HDGFL2: variants seen among roughly 807,000 people sequenced by gnomAD.
HDGFL2 encodes the protein HDGF like 2, also known as hepatoma-derived growth factor-related protein 2.
Under a neutral mutation model 77.1 loss-of-function variants are expected in HDGFL2, and 36 were observed. The ratio of observed to expected loss-of-function variants is 0.47; its 90% CI spans 0.36 to 0.62. The LOEUF is 0.62. HDGFL2 is among the 20% of genes least tolerant of loss of function. The pLI is 0.00. For missense variants in HDGFL2, 976 were observed against 973.4 expected (o/e 1.00, Z -0.04); for synonymous variants, 463 against 413.1 (o/e 1.12, Z -1.46).
At chr19:4,486,163 T>C (rs1252204246) in intron 3 of HDGFL2, among the ~76,000 whole-genome samples, 1 of 152,022 alleles carries the variant, frequency 6.6e-6, no homozygotes, top group African/African-American at 2.4e-5. Context: ...GGTCAGGTGT[T>C]CCACGCTGGC....
At chr19:4,482,782 G>T (rs1230899906) in intron 3 of HDGFL2, among the ~76,000 whole-genome samples, 1 of 152,184 alleles carries the variant, frequency 6.6e-6, no homozygotes, top group Non-Finnish European at 1.5e-5. Flanking sequence ...CTCATCTGCA[G>T]AATCAGGCTG....
chr19:4,494,836 C>T (rs1478279978), intron 9 of HDGFL2, among the ~76,000 whole-genome samples: 1 of 151,346 alleles, frequency 6.6e-6, no homozygotes, highest in East Asian at 2.0e-4. Flanking sequence ...AGGAGGATTG[C>T]TTGAGCCCAG....
At position 4,473,680 on chromosome 19, in the gene HDGFL2, G is replaced by A. The variant is rs1050311007; in HGVS notation, c.72+1258G>A. Among the ~76,000 whole-genome samples the A allele has an allele frequency of 3.4e-5, 5 of 147,982 alleles. No individual in the cohort carries two copies. The Admixed American group carries it at 3.4e-4, about 10-fold the overall frequency. ...GGCTAAGGGAAGCTGGGACCTCTGA[G>A]TGAGGGGCTGGGGGTGGGGGAATGG... On this transcript the variant is annotated intron_variant, in intron 1 of 15. Transcript: ENST00000616600.
intron 9 of HDGFL2, among the ~76,000 whole-genome samples, chr19:4,495,434 T>C (rs960732234): frequency 1.5e-5 from 2 of 135,762 alleles, no homozygotes; most frequent in African/African-American, 5.4e-5. Context: ...AGGGAGGGGA[T>C]CTACGAAGAC....
intron 3 of HDGFL2, among the ~76,000 whole-genome samples, chr19:4,478,567 G>C (rs1168884918): frequency 2.0e-5 from 3 of 152,006 alleles, no homozygotes; most frequent in African/African-American, 7.2e-5. Context: ...GGAAGGCCTG[G>C]GTCCCATCCC....
At chr19:4,482,386 T>G (rs1027302526) in intron 3 of HDGFL2, among the ~76,000 whole-genome samples, 1 of 152,064 alleles carries the variant, frequency 6.6e-6, no homozygotes, top group African/African-American at 2.4e-5. Context: ...ATTTTTGTAT[T>G]TTTAGTAGAG....
At chr19:4,496,119 C>CCCACGAT (rs1975694454) in intron 9 of HDGFL2, among the ~76,000 whole-genome samples, 183 bp from the exon 10 acceptor site, 2 of 152,222 alleles carry the variant, frequency 1.3e-5, no homozygotes, top group Non-Finnish European at 2.9e-5. Flanking sequence ...CTCCAAGAAC[C>CCCACGAT]CCACGATCCA....
chr19:4,494,478 G>A lies in HDGFL2; in HGVS notation c.1224+3G>A, dbSNP rs375322077. 3.0e-4 allele frequency: 412 copies of A among 1,378,902 alleles called. No homozygotes were observed. Among genetic ancestry groups the A allele is most frequent in the Non-Finnish European group, 3.7e-4 (398 of 1,070,272 alleles). 85.4% of individuals were successfully genotyped at this position (1,378,902 alleles called of 1,614,324 possible). A position where few individuals can be genotyped will look rare whatever the true frequency, so the allele number is the denominator to read the frequency against. ...CCGAGGCCGAGCTGGAGAGAGAGGT[G>A]AGCCGGGAGGGCGCCGGGAGTCCCT... On this transcript the variant is annotated splice_donor_region_variant and intron_variant, in intron 9 of 15. Coordinates refer to ENST00000616600, the MANE Select transcript of HDGFL2 (RefSeq NM_001001520.3).
intron 4 of HDGFL2, among the ~76,000 whole-genome samples, chr19:4,489,528 G>A (rs979601631): frequency 1.5e-4 from 22 of 151,658 alleles, no homozygotes; most frequent in African/African-American, 4.8e-4. Flanking sequence ...TTCAGCCTCC[G>A]AAGTAGCTGA....
intron 11 of HDGFL2, 81 bp downstream of exon 11, chr19:4,498,112 C>A: frequency 7.5e-7 from 1 of 1,339,596 alleles, no homozygotes. Context: ...TGGCCTGTCC[C>A]GCCTGTCCCT....
At chr19:4,482,034 T>C (rs1188695119) in intron 3 of HDGFL2, among the ~76,000 whole-genome samples, 1 of 130,680 alleles carries the variant, frequency 7.7e-6, no homozygotes, top group Non-Finnish European at 1.6e-5. Flanking sequence ...GCCTTTTTTT[T>C]TTTTTTTTTT....
At chr19:4,500,008 C>CAG (rs368319941) in intron 14 of HDGFL2, among the ~76,000 whole-genome samples, 8 of 150,754 alleles carry the variant, frequency 5.3e-5, no homozygotes, top group African/African-American at 2.0e-4. Flanking sequence ...CTGGGACGCC[C>CAG]AGAGAGGGGG....
Position 4,475,288 on chromosome 19 carries a change from C to T in HDGFL2, c.86C>T (p.Ala29Val), listed in dbSNP as rs771724507. The T allele has an allele frequency of 1.9e-6, 3 of 1,614,052 alleles. No homozygotes were observed. Among genetic ancestry groups the T allele is most frequent in the South Asian group, 2.2e-5 (2 of 91,072 alleles). ...CTCTCACTGCAGATCGACGACATCG[C>T]GGATGGCGCCGTGAAGCCCCCACCC... ...PHWPARIDDI[A>V]DGAVKPPPNK... The change falls in exon 2 of 16, where the codon GCG becomes GTG. Residue 29 changes from alanine (A) to valine (V), a missense_variant. Physicochemically the swap from Ala to Val is moderately conservative, Grantham distance 64 (BLOSUM62 0). This residue lies in a region of HDGFL2 where 103 missense variants were observed against 145.7 expected (regional missense o/e 0.71). Transcript: ENST00000616600.
At chr19:4,498,412 C>T (rs554263647) in intron 12 of HDGFL2, 36 bp downstream of exon 12, 31 of 1,507,226 alleles carry the variant, frequency 2.1e-5, no homozygotes, top group East Asian at 9.1e-5. Flanking sequence ...AAGCAGTCCC[C>T]GCTGCCACCT....
At chr19:4,482,227 TG>T (rs1208297489) in intron 3 of HDGFL2, among the ~76,000 whole-genome samples, 1 of 151,052 alleles carries the variant, frequency 6.6e-6, no homozygotes, top group Non-Finnish European at 1.5e-5. Context: ...TTTTTTTTTT[TG>T]AGATGGAGTC....
At chr19:4,486,887 G>A (rs1224936239) in intron 3 of HDGFL2, among the ~76,000 whole-genome samples, 1 of 152,028 alleles carries the variant, frequency 6.6e-6, no homozygotes, top group Admixed American at 6.6e-5. Context: ...CCCTTCCCAT[G>A]CTTCTGACAA....
In HDGFL2 at chr19:4,493,997, C is replaced by T. The variant is rs1263680535; in HGVS notation, c.854C>T (p.Pro285Leu). 2.5e-6 allele frequency: 4 copies of T among 1,610,744 alleles called. No individual in the cohort carries two copies. The highest frequency in any genetic ancestry group is 3.4e-6 in the Non-Finnish European group (4 of 1,178,988). ...CTTCCTGTAGCGGAGAAGCCTCTCCCGAAGCCGCGAGGGCGGAAACCGAAG... is the reference window on the plus strand; with the variant it reads ...CTTCCTGTAGCGGAGAAGCCTCTCCTGAAGCCGCGAGGGCGGAAACCGAAG... ...RGRKPAEKPL[P>L]KPRGRKPKPE... is the part of the protein sequence containing the mutation. The change falls in exon 8 of 16, where the codon CCG (proline) becomes CTG (leucine). Residue 285 changes from proline to leucine, a missense_variant. Transcript: ENST00000616600.
intron 6 of HDGFL2, among the ~76,000 whole-genome samples, chr19:4,493,367 C>G (rs1381728306): frequency 6.7e-6 from 1 of 150,364 alleles, no homozygotes; most frequent in African/African-American, 2.5e-5. Flanking sequence ...GGCGGTAGAG[C>G]ACGGCAGCTT....
At position 4,491,751 on chromosome 19, in the gene HDGFL2, T is replaced by G. The variant is rs1257997622; in HGVS notation, c.607-13T>G. 4 of 1,613,876 alleles carry G rather than the reference T, an allele frequency of 2.5e-6. No homozygotes were observed. Among genetic ancestry groups the G allele is most frequent in the Non-Finnish European group, 3.4e-6 (4 of 1,179,968 alleles). On this transcript the variant is annotated splice_polypyrimidine_tract_variant and intron_variant, in intron 5 of 15. Transcript: ENST00000616600. ...GCCAGTGGGCCCCAGTTCAGCTCAC[T>G]TCTCTCCCCCAGGACTTCACACCTG...
Sources: gnomAD v4.1 joint callset for allele counts (sites outside exome capture counted in the v4.1 genomes callset) on GRCh38, gnomAD v4.1.1 for gene constraint, gnomAD v4.1.1 regional missense constraint, MANE v1.5 for transcripts, NCBI Gene and HGNC (gene_info 2026-07-23, HGNC 2026-07-21) for gene names.